SCLT1: variants seen among roughly 807,000 people sequenced by gnomAD.
The protein encoded by SCLT1 is sodium channel and clathrin linker 1, also known as sodium channel-associated protein 1.
A neutral mutation model predicts 112.8 loss-of-function variants in SCLT1; 78 were observed. The ratio of observed to expected loss-of-function variants is 0.69; its 90% confidence interval spans 0.58 to 0.83. The LOEUF (loss-of-function observed/expected upper bound fraction) is 0.83, where lower values mean the gene tolerates loss of function less well. SCLT1 is among the 40% of genes least tolerant of loss of function. The pLI is 0.00. For missense variants in SCLT1, 747 were observed against 770.4 expected (o/e 0.97, Z 0.36); for synonymous variants, 257 against 254.7 (o/e 1.01, Z -0.09).
At chr4:128,929,834 T>C (rs1736614218) in intron 18 of SCLT1, among the ~76,000 whole-genome samples, 1 of 152,228 alleles carries the variant, frequency 6.6e-6, no homozygotes, top group African/African-American at 2.4e-5. Context: ...TGTGTTGTTG[T>C]CTTTGTCTAT....
At chr4:128,928,465 T>A (rs1736481039) in intron 18 of SCLT1, among the ~76,000 whole-genome samples, 2 of 152,138 alleles carry the variant, frequency 1.3e-5, no homozygotes, top group African/African-American at 4.8e-5. Context: ...GCAAAATCAA[T>A]CCATAAAATT....
At chr4:129,025,268 T>C (rs979700270) in intron 5 of SCLT1, among the ~76,000 whole-genome samples, 3 of 151,842 alleles carry the variant, frequency 2.0e-5, no homozygotes, top group Non-Finnish European at 4.4e-5. Context: ...AAAGTGGAAA[T>C]GAAGGAAAAA....
Position 129,061,272 on chromosome 4 carries a change from C to A in SCLT1, c.103-17221G>T, listed in dbSNP as rs1749943697. ...TGGCAAAGTACAGTTGTCTTTCCAG[C>A]TTTGGGGGCATCAGAATAGCCCAAC... On this transcript the variant is annotated intron_variant, in intron 2 of 20. Transcript: ENST00000281142. Among the ~76,000 whole-genome samples, 4 of 152,226 alleles carry A rather than the reference C, an allele frequency of 2.6e-5. No homozygotes were observed. The South Asian group carries it at 8.3e-4, about 32-fold the overall frequency.
intron 2 of SCLT1, among the ~76,000 whole-genome samples, chr4:129,047,765 T>G (rs956137138): frequency 6.6e-6 from 1 of 152,134 alleles, no homozygotes; most frequent in Non-Finnish European, 1.5e-5. Context: ...TTCATATACT[T>G]CTTGGCCAGT....
At chr4:129,053,557 ATTTTT>A (rs528905688) in intron 2 of SCLT1, among the ~76,000 whole-genome samples, 17 of 45,218 alleles carry the variant, frequency 3.8e-4, no homozygotes, top group East Asian at 1.5e-3. Flanking sequence ...GCAATCCCTG[ATTTTT>A]TTTTTTTTTT....
At chr4:128,921,957 A>G (rs887957008) in intron 18 of SCLT1, among the ~76,000 whole-genome samples, 1 of 152,174 alleles carries the variant, frequency 6.6e-6, no homozygotes, top group Non-Finnish European at 1.5e-5. Flanking sequence ...TAAGAAAAAA[A>G]CAAACAACCC....
intron 4 of SCLT1, among the ~76,000 whole-genome samples, chr4:128,876,214 C>A (rs1400142969): frequency 6.6e-6 from 1 of 152,068 alleles, no homozygotes; most frequent in Non-Finnish European, 1.5e-5. Context: ...AGGATTTGGC[C>A]AGTTTAAAAG....
chr4:129,075,531 A>G (rs910882080), intron 2 of SCLT1, among the ~76,000 whole-genome samples: 2 of 152,160 alleles, frequency 1.3e-5, no homozygotes, highest in African/African-American at 4.8e-5. Flanking sequence ...ACAATGGCCA[A>G]TACAAAAGCT....
chr4:129,051,959 C>CT (rs567262992), intron 2 of SCLT1, among the ~76,000 whole-genome samples: 16 of 151,606 alleles, frequency 1.1e-4, no homozygotes, highest in East Asian at 5.8e-4. Context: ...TTGTCGAAGG[C>CT]TTTTTTTTGC....
chr4:129,051,918 G>T (rs1231088605), intron 2 of SCLT1, among the ~76,000 whole-genome samples: 3 of 152,144 alleles, frequency 2.0e-5, no homozygotes, highest in Non-Finnish European at 4.4e-5. Context: ...CTAGCTTATT[G>T]AGAGTTTTTA....
At position 129,086,282 on chromosome 4, in the gene SCLT1, C is replaced by T. The variant is rs1325831996; in HGVS notation, c.35-3909G>A. 2.0e-5 allele frequency among the ~76,000 whole-genome samples: 3 copies of T among 147,798 alleles called. No homozygotes were observed. The East Asian group carries it at 6.1e-4, about 30-fold the overall frequency. ...TATCTGGCTTGTTTAATTTGCGTTT[C>T]CTGGATACCTGAAGATGCTGGTGTA... On this transcript the variant is annotated intron_variant, in intron 1 of 20. Coordinates refer to ENST00000281142, the MANE Select transcript of SCLT1 (RefSeq NM_144643.4).
chr4:129,067,493 T>C (rs965289167), intron 2 of SCLT1, among the ~76,000 whole-genome samples: 6 of 151,972 alleles, frequency 3.9e-5, no homozygotes, highest in Admixed American at 3.9e-4. Context: ...CAATAGTTTA[T>C]ACTTTAAAAA....
Position 128,946,064 on chromosome 4 carries a change from T to C in SCLT1, c.1382A>G (p.Asp461Gly), listed in dbSNP as rs1738132265. 6.2e-7 allele frequency: 1 copy of C among 1,611,260 alleles called. No homozygotes were observed. The highest frequency in any genetic ancestry group is 1.1e-5 in the South Asian group (1 of 90,988). ...TCTCGTAAGTCTTAGCTGAAGATCA[T>C]CTTTTGAACGCTCTGAAACCAGGAA... ...QRFLVSERSK[D>G]DLQLRLTRAE... Residue 461 changes from aspartate to glycine, a missense_variant, in exon 16 of 21, where the codon GAT becomes GGT. Around this residue, in one of 2 missense-constraint regions of SCLT1, gnomAD observed 723 missense variants for 721.3 expected, o/e 1.00. Coordinates refer to ENST00000281142, the MANE Select transcript of SCLT1 (RefSeq NM_144643.4).
At chr4:128,994,262 A>T (rs1206502784) in intron 8 of SCLT1, among the ~76,000 whole-genome samples, 6 of 152,150 alleles carry the variant, frequency 3.9e-5, no homozygotes, top group Non-Finnish European at 2.9e-5. Flanking sequence ...TCGTATAAGT[A>T]AAATCATACA....
Position 129,012,679 on chromosome 4 carries a change from T to C in SCLT1, c.291-8803A>G, listed in dbSNP as rs537451771. Among the ~76,000 whole-genome samples, 3 of 152,314 alleles carry C rather than the reference T, an allele frequency of 2.0e-5. No individual in the cohort carries two copies. The South Asian group carries it at 6.2e-4, about 32-fold the overall frequency. On this transcript the variant is annotated intron_variant, in intron 5 of 20. Transcript: ENST00000281142. The stretch of plus-strand genomic sequence containing the variant: ...TGTCTCTTTGAAGGTCTCTAAAAAC[T>C]TGCTTTACAAATCTGCGTGCTCCTG...
intron 18 of SCLT1, among the ~76,000 whole-genome samples, chr4:128,922,162 G>A (rs1735935462): frequency 6.6e-6 from 1 of 152,188 alleles, no homozygotes; most frequent in African/African-American, 2.4e-5. Flanking sequence ...TGCTGGCAAG[G>A]TTGTGGAGAA....
intron 1 of SCLT1, among the ~76,000 whole-genome samples, chr4:129,089,945 T>C (rs1194707928): frequency 3.3e-5 from 5 of 152,162 alleles, no homozygotes; most frequent in African/African-American, 1.2e-4. Context: ...CAAACCACCA[T>C]GGCATGAGTA....
intron 18 of SCLT1, among the ~76,000 whole-genome samples, chr4:128,926,442 T>C (rs1164259682): frequency 2.6e-5 from 4 of 152,138 alleles, no homozygotes; most frequent in Admixed American, 6.5e-5. Flanking sequence ...AAAACACCTG[T>C]CAACTTGGAA....
chr4:128,889,054 G>T (rs1174876524), intron 19 of SCLT1, among the ~76,000 whole-genome samples: 1 of 152,190 alleles, frequency 6.6e-6, no homozygotes. Context: ...ATTTGTGAAG[G>T]TCACTGCTTC....
Sources: allele counts gnomAD v4.1 joint callset (sites outside exome capture counted in the v4.1 genomes callset), GRCh38; gene constraint gnomAD v4.1.1; regional missense constraint gnomAD v4.1.1; transcripts MANE v1.5; gene names NCBI Gene and HGNC (gene_info 2026-07-23, HGNC 2026-07-21).